LMBR1: variants seen among roughly 807,000 people sequenced by gnomAD.
LMBR1 encodes limb development membrane protein 1.
A neutral mutation model predicts 73.9 loss-of-function variants in LMBR1; 52 were observed. That is an observed-to-expected ratio of 0.70 (90% CI 0.56 to 0.89). LMBR1 has a LOEUF of 0.89. Among genes scored for constraint, LMBR1 ranks in the 40% least tolerant of loss-of-function variants. The pLI is 0.00. For synonymous variants in LMBR1, 215 were observed against 209.4 expected, an observed-to-expected ratio of 1.03 and a Z score of -0.23; for missense variants, 539 against 579.8, an observed-to-expected ratio of 0.93 and a Z score of 0.72.
At chr7:156,836,045 T>G (rs1219021636) in intron 2 of LMBR1, among the ~76,000 whole-genome samples, 1 of 152,332 alleles carries the variant, frequency 6.6e-6, no homozygotes, top group East Asian at 1.9e-4. Context: ...GTACTTCAAG[T>G]GCAGTCACAG....
intron 1 of LMBR1, among the ~76,000 whole-genome samples, chr7:156,871,137 G>C (rs1266254815): frequency 6.6e-6 from 1 of 151,962 alleles, no homozygotes; most frequent in African/African-American, 2.4e-5. Flanking sequence ...AAAATAAAAA[G>C]GATCATGAGA....
chr7:156,759,827 GTTC>G (rs1822633628), intron 8 of LMBR1, among the ~76,000 whole-genome samples: 1 of 152,160 alleles, frequency 6.6e-6, no homozygotes, highest in Non-Finnish European at 1.5e-5. Context: ...AGGGGAAGGA[GTTC>G]TTATTTCTGA....
intron 4 of LMBR1, among the ~76,000 whole-genome samples, chr7:156,817,624 G>A (rs1834129941): frequency 6.6e-6 from 1 of 151,996 alleles, no homozygotes; most frequent in African/African-American, 2.4e-5. Flanking sequence ...AATGAAATGT[G>A]GGACTTTTTA....
chr7:156,815,905 G>T (rs895002202), intron 4 of LMBR1, among the ~76,000 whole-genome samples: 2 of 151,610 alleles, frequency 1.3e-5, no homozygotes, highest in African/African-American at 4.8e-5. Context: ...GTATAAAAGG[G>T]ACATGTATGA....
chr7:156,804,917 T>C (rs1180446745), intron 4 of LMBR1, among the ~76,000 whole-genome samples: 2 of 152,220 alleles, frequency 1.3e-5, no homozygotes, highest in Admixed American at 6.5e-5. Flanking sequence ...CCTAGTTCAA[T>C]GTTACAAAGA....
intron 9 of LMBR1, among the ~76,000 whole-genome samples, chr7:156,738,951 A>G (rs1164044783): frequency 1.3e-5 from 2 of 152,158 alleles, no homozygotes; most frequent in Non-Finnish European, 2.9e-5. Flanking sequence ...GCAGAAGGAA[A>G]AGTAAAGAGT....
rs1439973502 is a variant in LMBR1, at chr7:156,802,884, AAAAC to A, written c.320-6396_320-6393del. 3.3e-5 allele frequency among the ~76,000 whole-genome samples: 5 copies of A among 152,158 alleles called. No homozygotes were observed. In the East Asian group the frequency reaches 9.6e-4, roughly 29 times the overall value. On this transcript the variant is annotated intron_variant, in intron 4 of 16. Transcript: ENST00000353442. ...TATCTGATCTTTGACAAACCTGACA[AAAAC>A]AAGAAATGGGGAAAGGATTCCCTAT... is the stretch of plus-strand genomic sequence containing the variant.
intron 9 of LMBR1, among the ~76,000 whole-genome samples, chr7:156,739,011 T>C (rs79670119): frequency 0.032 from 4,858 of 152,178 alleles, 123 homozygotes; most frequent in South Asian, 0.084. Context: ...GGGTAGAGTA[T>C]CAGGTGGGCT....
At chr7:156,850,805 G>C (rs1796129542) in intron 1 of LMBR1, among the ~76,000 whole-genome samples, 1 of 152,136 alleles carries the variant, frequency 6.6e-6, no homozygotes, top group Admixed American at 6.6e-5. Flanking sequence ...AAATGGTTTG[G>C]ATGTGTGTCC....
At chr7:156,734,402 G>A in intron 9 of LMBR1, 145 bp from the exon 10 acceptor site, 1 of 542,028 alleles carries the variant, frequency 1.8e-6, no homozygotes, top group Non-Finnish European at 3.3e-6. Flanking sequence ...TCAGAGGAAA[G>A]CACATCCATA....
chr7:156,892,845 C>CCGGGGGCCCGGGGG, intron 1 of LMBR1, 83 bp downstream of exon 1: 1 of 568,166 alleles, frequency 1.8e-6, no homozygotes, highest in Non-Finnish European at 2.2e-6. Flanking sequence ...GGTGAGGGGT[C>CCGGGGGCCCGGGGG]CGGGGACCGG....
At chr7:156,797,708 A>G (rs896929036) in intron 4 of LMBR1, among the ~76,000 whole-genome samples, 4 of 152,246 alleles carry the variant, frequency 2.6e-5, no homozygotes, top group Non-Finnish European at 5.9e-5. Context: ...AACAAACACA[A>G]TTAATTTAGC....
At chr7:156,780,355 A>C (rs558649297) in intron 5 of LMBR1, among the ~76,000 whole-genome samples, 53 of 152,338 alleles carry the variant, frequency 3.5e-4, no homozygotes, top group South Asian at 2.7e-3. Context: ...CATTGCATTA[A>C]AATTTGTAGG....
At chr7:156,824,603 G>C (rs985702569) in intron 4 of LMBR1, among the ~76,000 whole-genome samples, 1 of 152,122 alleles carries the variant, frequency 6.6e-6, no homozygotes, top group South Asian at 2.1e-4. Flanking sequence ...GGCACTTTGG[G>C]AGGCCAAGGT....
intron 4 of LMBR1, among the ~76,000 whole-genome samples, chr7:156,807,757 A>G (rs1482331128): frequency 1.6e-4 from 24 of 152,188 alleles, no homozygotes; most frequent in Admixed American, 1.6e-3. Flanking sequence ...ATTTCGTGCT[A>G]TACATTGACC....
chr7:156,775,312 G>T (rs1404656152), intron 5 of LMBR1, among the ~76,000 whole-genome samples: 1 of 152,122 alleles, frequency 6.6e-6, no homozygotes, highest in Non-Finnish European at 1.5e-5. Flanking sequence ...AGGTTGCAGT[G>T]AGCCGAGGTC....
intron 1 of LMBR1, among the ~76,000 whole-genome samples, chr7:156,837,181 A>AAT (rs1586135141): frequency 6.6e-6 from 1 of 151,434 alleles, no homozygotes; most frequent in African/African-American, 2.4e-5. Context: ...AAAAAAAAAA[A>AAT]ATATTAGCAG....
intron 2 of LMBR1, among the ~76,000 whole-genome samples, chr7:156,835,694 CA>C (rs59956909): frequency 0.46 from 46,351 of 100,416 alleles, 7,273 homozygotes; most frequent in East Asian, 0.61. Context: ...GACTCCATCT[CA>C]AAAAAAAAAA....
chr7:156,750,431 C>A (rs112986696), intron 9 of LMBR1, among the ~76,000 whole-genome samples: 3,641 of 152,102 alleles, frequency 0.024, 142 homozygotes, highest in African/African-American at 0.084. Flanking sequence ...CTTGATTACT[C>A]ATATTCCATG....
Sources: gnomAD v4.1 joint callset for allele counts (sites outside exome capture counted in the v4.1 genomes callset) on GRCh38, gnomAD v4.1.1 for gene constraint, MANE v1.5 for transcripts, NCBI Gene and HGNC (gene_info 2026-07-23, HGNC 2026-07-21) for gene names.